CCDC30: variants seen among roughly 807,000 people sequenced by gnomAD.
CCDC30 encodes the protein coiled-coil domain containing 30.
A neutral mutation model predicts 100.2 loss-of-function variants in CCDC30; 70 were observed. That is an observed-to-expected ratio of 0.70 (90% CI 0.58 to 0.85). The LOEUF is 0.85. Among genes scored for constraint, CCDC30 ranks in the 40% least tolerant of loss-of-function variants. The pLI is 0.00. For synonymous variants in CCDC30, 233 were observed against 269.5 expected, an observed-to-expected ratio of 0.86 and a Z score of 1.33; for missense variants, 652 against 771.2, an observed-to-expected ratio of 0.85 and a Z score of 1.83.
At position 42,524,153 on chromosome 1, in the gene CCDC30, A is replaced by AT. The variant is rs939010574; in HGVS notation, c.456+25246dup. ...GGGCCACACCTTCATGTTTCTTTGT[A>AT]TTTTTTTTTCTTAAAAATTGAACAT... is the stretch of plus-strand genomic sequence containing the variant. On this transcript the variant is annotated intron_variant, in intron 6 of 16. Coordinates refer to ENST00000668663, the Ensembl canonical transcript of CCDC30. Among the ~76,000 whole-genome samples the AT allele has an allele frequency of 5.1e-4, 73 of 143,086 alleles. 1 individual carries two copies. The highest frequency in any genetic ancestry group is 6.7e-4 in the South Asian group (3 of 4,508). 93.9% of individuals were successfully genotyped at this position (143,086 alleles called of 152,430 possible). A position where few individuals can be genotyped will look rare whatever the true frequency, so the allele number is the denominator to read the frequency against.
intron 6 of CCDC30, 43 bp downstream of exon 7, chr1:42,536,644 A>G (rs373038076): frequency 8.1e-6 from 11 of 1,353,450 alleles, no homozygotes; most frequent in Non-Finnish European, 1.2e-5. Context: ...TTGTAGTTCT[A>G]ATTTAGGGAT....
At chr1:42,609,826 C>A (rs1210500046) in intron 10 of CCDC30, among the ~76,000 whole-genome samples, 1 of 152,104 alleles carries the variant, frequency 6.6e-6, no homozygotes, top group African/African-American at 2.4e-5. Context: ...CTTGTGATGG[C>A]AAGAGAGGCA....
Position 42,548,252 on chromosome 1 carries a change from G to C in CCDC30, c.457-18044G>C, listed in dbSNP as rs139371170. Among the ~76,000 whole-genome samples, 474 of 152,312 alleles carry C rather than the reference G, an allele frequency of 3.1e-3. 3 individuals are homozygous for C. The South Asian group carries it at 0.033, about 11-fold the overall frequency. On this transcript the variant is annotated intron_variant, in intron 6 of 16. Transcript: ENST00000668663. ...GTGTTTGGTAGCGTGGAGGATACTA[G>C]AACAGGCTAGAGAAGCTGAATTTAT...
At chr1:42,611,206 A>G in intron 11 of CCDC30, 116 bp downstream of exon 15, 1 of 561,214 alleles carries the variant, frequency 1.8e-6, no homozygotes, top group South Asian at 2.8e-5. Flanking sequence ...CAAGAGGGCC[A>G]TCATAAAATT....
intron 6 of CCDC30, among the ~76,000 whole-genome samples, chr1:42,553,204 G>A (rs1248398260): frequency 1.3e-5 from 2 of 150,874 alleles, no homozygotes; most frequent in South Asian, 2.1e-4. Context: ...TTTTTTTTTT[G>A]TTGTTGTTTT....
At chr1:42,543,786 G>A (rs948877472) in intron 6 of CCDC30, among the ~76,000 whole-genome samples, 1 of 152,178 alleles carries the variant, frequency 6.6e-6, no homozygotes, top group Non-Finnish European at 1.5e-5. Context: ...GTCCATATGA[G>A]ATTTTATGGA....
intron 9 of CCDC30, among the ~76,000 whole-genome samples, chr1:42,586,766 A>G (rs545507973): frequency 3.3e-5 from 5 of 152,274 alleles, no homozygotes; most frequent in African/African-American, 7.2e-5. Context: ...GGGAGCCACT[A>G]TAGGATTTTA....
chr1:42,633,102 G>A (rs573423168), intron 11 of CCDC30, among the ~76,000 whole-genome samples: 9 of 152,208 alleles, frequency 5.9e-5, no homozygotes, highest in South Asian at 4.1e-4. Flanking sequence ...AAGCCAACAC[G>A]CCTGGCCAGC....
At chr1:42,464,732 C>G (rs1377764533) in intron 1 of CCDC30, among the ~76,000 whole-genome samples, 1 of 152,188 alleles carries the variant, frequency 6.6e-6, no homozygotes, top group Middle Eastern at 3.2e-3. Context: ...TTGAATCTTA[C>G]TATTTCTTCT....
At chr1:42,459,740 T>C (rs1331038705), upstream of CCDC30, 2 of 1,614,088 alleles carry the variant, frequency 1.2e-6, no homozygotes, top group African/African-American at 2.7e-5. Flanking sequence ...TGGAAATTTA[T>C]CAGCATCAAG....
intron 6 of CCDC30, among the ~76,000 whole-genome samples, chr1:42,534,374 C>A (rs962770132): frequency 6.6e-6 from 1 of 152,152 alleles, no homozygotes; most frequent in African/African-American, 2.4e-5. Context: ...TTCACCAGTG[C>A]AGATGGTGGC....
chr1:42,640,312 T>C (rs1321937931), intron 12 of CCDC30, among the ~76,000 whole-genome samples: 2 of 152,218 alleles, frequency 1.3e-5, no homozygotes, highest in Non-Finnish European at 2.9e-5. Flanking sequence ...TATCACAGCA[T>C]GTGTCTGGAA....
At chr1:42,538,355 G>GA (rs1404860645) in intron 6 of CCDC30, among the ~76,000 whole-genome samples, 1 of 151,306 alleles carries the variant, frequency 6.6e-6, no homozygotes, top group Non-Finnish European at 1.5e-5. Context: ...AAGAGAAAGA[G>GA]AAAAAAACAT....
chr1:42,500,418 T>TA, intron 6 of CCDC30: 1 of 898,398 alleles, frequency 1.1e-6, no homozygotes, highest in Non-Finnish European at 1.8e-6. Context: ...CCGAGTTCTC[T>TA]CTTTTTTTTT....
chr1:42,557,720 T>TATATTAAATAAAATATATAAAA (rs1645400582), intron 6 of CCDC30, among the ~76,000 whole-genome samples: 1 of 147,668 alleles, frequency 6.8e-6, no homozygotes, highest in African/African-American at 2.4e-5. Context: ...AATATGTAAA[T>TATATTAAATAAAATATATAAAA]AATAAAATAT....
chr1:42,549,596 G>C (rs963243437), intron 6 of CCDC30, among the ~76,000 whole-genome samples: 6 of 152,190 alleles, frequency 3.9e-5, no homozygotes, highest in African/African-American at 1.4e-4. Context: ...GAGAGGTAGG[G>C]TGGGAGGAAC....
chr1:42,566,595 C>A, intron 7 of CCDC30, 120 bp downstream of exon 11: 1 of 757,008 alleles, frequency 1.3e-6, no homozygotes, highest in East Asian at 2.7e-5. Flanking sequence ...ACAATGTGAG[C>A]TATCTGGTAA....
intron 6 of CCDC30, chr1:42,537,202 T>A (rs1183961237): frequency 2.2e-6 from 1 of 456,284 alleles, no homozygotes; most frequent in Admixed American, 2.3e-5. Context: ...AGTCATGGGC[T>A]TATCGCTCGT....
chr1:42,563,627 T>A (rs1429052607), intron 6 of CCDC30, among the ~76,000 whole-genome samples: 1 of 152,160 alleles, frequency 6.6e-6, no homozygotes, highest in Non-Finnish European at 1.5e-5. Context: ...ACGCCTGTAA[T>A]CCCAGCACTT....
Sources: allele counts gnomAD v4.1 joint callset (sites outside exome capture counted in the v4.1 genomes callset), GRCh38; gene constraint gnomAD v4.1.1; transcripts MANE v1.5; gene names NCBI Gene and HGNC (gene_info 2026-07-23, HGNC 2026-07-21).